PELI2: variants seen among roughly 807,000 people sequenced by gnomAD.
PELI2 encodes pellino E3 ubiquitin protein ligase family member 2, also known as E3 ubiquitin-protein ligase pellino homolog 2.
Under a neutral mutation model 42.3 loss-of-function variants are expected in PELI2, and 23 were observed. That is an observed-to-expected ratio of 0.54 (90% CI 0.39 to 0.77). The LOEUF (loss-of-function observed/expected upper bound fraction) is 0.77, where lower values mean the gene tolerates loss of function less well. PELI2 is among the 30% of genes least tolerant of loss of function. PELI2 has a pLI of 0.00. For missense variants in PELI2, 463 were observed against 553.2 expected (o/e 0.84, Z 1.64); for synonymous variants, 245 against 212.2 (o/e 1.15, Z -1.34).
At position 56,301,397 on chromosome 14, in the gene PELI2, T is replaced by C. The variant is rs1404049032; in HGVS notation, c.*4231T>C. Reference sequence around the variant, plus strand: ...GAGTAGAACTGATTTTTTTCACTTCTCTAACTTCCAAGTTAATCTCCAGCT... The same window carrying C: ...GAGTAGAACTGATTTTTTTCACTTCCCTAACTTCCAAGTTAATCTCCAGCT... On this transcript the variant is annotated 3_prime_UTR_variant, in exon 6 of 6. Transcript: ENST00000267460. 6.6e-6 allele frequency: 1 copy of C among 152,658 alleles called. No individual in the cohort carries two copies. Among genetic ancestry groups the C allele is most frequent in the Non-Finnish European group, 1.5e-5 (1 of 68,036 alleles). 9.5% of individuals were successfully genotyped at this position (152,658 alleles called of 1,614,324 possible).
intron 2 of PELI2, among the ~76,000 whole-genome samples, chr14:56,234,407 A>T (rs1307146744): frequency 1.3e-5 from 2 of 152,204 alleles, no homozygotes; most frequent in African/African-American, 2.4e-5. Context: ...TACACCATGG[A>T]ATACTATACA....
At chr14:56,177,195 A>T (rs1421967291) in intron 1 of PELI2, among the ~76,000 whole-genome samples, 1 of 152,242 alleles carries the variant, frequency 6.6e-6, no homozygotes, top group Non-Finnish European at 1.5e-5. Flanking sequence ...TGTGACGCTG[A>T]CTTGACTGGT....
At chr14:56,140,800 T>G (rs1280242943) in intron 1 of PELI2, among the ~76,000 whole-genome samples, 1 of 152,158 alleles carries the variant, frequency 6.6e-6, no homozygotes, top group East Asian at 1.9e-4. Context: ...GCCCACAGGA[T>G]CTAATGGGCA....
chr14:56,178,200 T>C (rs923325151), intron 1 of PELI2, 135 bp from the exon 2 acceptor site: 2 of 797,290 alleles, frequency 2.5e-6, no homozygotes, highest in African/African-American at 3.5e-5. Context: ...TTGCAACCCT[T>C]TCCTTTTGTG....
At chr14:56,121,492 A>G (rs1321417375) in intron 1 of PELI2, among the ~76,000 whole-genome samples, 1 of 152,212 alleles carries the variant, frequency 6.6e-6, no homozygotes, top group East Asian at 1.9e-4. Context: ...CAGCCAGTTA[A>G]TGTATCATAG....
chr14:56,195,852 A>G (rs1886111853), intron 2 of PELI2, among the ~76,000 whole-genome samples: 1 of 152,194 alleles, frequency 6.6e-6, no homozygotes, highest in South Asian at 2.1e-4. Context: ...GAGGCTGCAC[A>G]TGTGCGCAAG....
chr14:56,196,769 A>G (rs983724539), intron 2 of PELI2, among the ~76,000 whole-genome samples: 2 of 152,124 alleles, frequency 1.3e-5, no homozygotes, highest in Admixed American at 6.5e-5. Flanking sequence ...TTCCTTGCCT[A>G]TTTTTGAATT....
At chr14:56,274,816 G>A (rs1370017140) in intron 2 of PELI2, among the ~76,000 whole-genome samples, 1 of 152,212 alleles carries the variant, frequency 6.6e-6, no homozygotes, top group African/African-American at 2.4e-5. Flanking sequence ...GGGCATCTGG[G>A]ATTGCAAAGT....
intron 2 of PELI2, among the ~76,000 whole-genome samples, chr14:56,242,877 TA>T (rs1888024689): frequency 6.6e-6 from 1 of 152,084 alleles, no homozygotes; most frequent in Non-Finnish European, 1.5e-5. Flanking sequence ...GAGTGAAGGA[TA>T]AAAGACTACA....
At chr14:56,239,798 G>A (rs1372339481) in intron 2 of PELI2, among the ~76,000 whole-genome samples, 4 of 152,154 alleles carry the variant, frequency 2.6e-5, no homozygotes, top group African/African-American at 7.2e-5. Context: ...GAGCTCAGGG[G>A]GAGTCGTGGC....
rs1412767967 is a variant in PELI2 at position 56,178,347 on chromosome 14, T to A, written c.90T>A (p.Ala30=). ...GELVVLGYNG[A]LPNGDRGRRK... is the part of the protein sequence containing the mutation. ...TCTCTGTTTCTAGGTACAATGGTGCTTTACCCAATGGAGATAGAGGACGGA... is the reference window on the plus strand; with the variant it reads ...TCTCTGTTTCTAGGTACAATGGTGCATTACCCAATGGAGATAGAGGACGGA... The change falls in exon 2 of 6, where the codon GCT becomes GCA. Residue 30 remains alanine (A), a synonymous_variant. Transcript: ENST00000267460. 1 of 1,614,096 alleles carries A rather than the reference T, an allele frequency of 6.2e-7. No homozygotes were observed. Among genetic ancestry groups the A allele is most frequent in the Non-Finnish European group, 8.5e-7 (1 of 1,179,940 alleles).
intron 1 of PELI2, among the ~76,000 whole-genome samples, chr14:56,126,978 T>C (rs1883294301): frequency 6.6e-6 from 1 of 152,220 alleles, no homozygotes; most frequent in Non-Finnish European, 1.5e-5. Flanking sequence ...GTTTTTTGTC[T>C]CCTCGGGTTG....
chr14:56,161,066 A>C (rs929884620), intron 1 of PELI2, among the ~76,000 whole-genome samples: 24 of 152,226 alleles, frequency 1.6e-4, no homozygotes, highest in African/African-American at 5.8e-4. Flanking sequence ...TGTGTAAGAT[A>C]ATGGAAGATG....
chr14:56,238,286 G>C (rs1437492873), intron 2 of PELI2, among the ~76,000 whole-genome samples: 2 of 152,252 alleles, frequency 1.3e-5, no homozygotes, highest in Middle Eastern at 3.4e-3. Context: ...TTCATTTACT[G>C]TCTTTAGGGG....
chr14:56,188,967 C>G (rs1885865863), intron 2 of PELI2, among the ~76,000 whole-genome samples: 1 of 152,076 alleles, frequency 6.6e-6, no homozygotes, highest in South Asian at 2.1e-4. Flanking sequence ...CGAGACCAGC[C>G]TGACCAATAT....
chr14:56,145,151 G>C (rs143789856), intron 1 of PELI2, among the ~76,000 whole-genome samples: 119 of 152,266 alleles, frequency 7.8e-4, no homozygotes, highest in African/African-American at 2.6e-3. Context: ...GAAACTTTCA[G>C]TCATGGCAGA....
chr14:56,231,711 A>C (rs1305699308), intron 2 of PELI2, among the ~76,000 whole-genome samples: 1 of 152,148 alleles, frequency 6.6e-6, no homozygotes, highest in Non-Finnish European at 1.5e-5. Context: ...AGAGAAGCAA[A>C]AGCAAACACA....
chr14:56,151,116 A>G (rs1339141127), intron 1 of PELI2, among the ~76,000 whole-genome samples: 1 of 152,224 alleles, frequency 6.6e-6, no homozygotes, highest in Non-Finnish European at 1.5e-5. Context: ...GTGTTCTGAC[A>G]GTGTTGCCTG....
rs1007935136 is a variant in PELI2, at chr14:56,118,475, A to G, written c.-186A>G. 16 of 332,206 alleles carry G rather than the reference A, an allele frequency of 4.8e-5. No individual in the cohort carries two copies. Among genetic ancestry groups the G allele is most frequent in the East Asian group, 9.9e-5 (2 of 20,236 alleles). The allele number at this position is 332,206 out of a possible 1,614,324, so 20.6% of individuals were successfully genotyped here. On this transcript the variant is annotated 5_prime_UTR_variant, in exon 1 of 6. Coordinates refer to ENST00000267460, the MANE Select transcript of PELI2 (RefSeq NM_021255.3). ...CGCGGAGCTCCGGGGAGTCAGGCGG[A>G]GCAGCCGCGCAGCCACGACGGAGCA...
Sources: allele counts gnomAD v4.1 joint callset (sites outside exome capture counted in the v4.1 genomes callset), GRCh38; gene constraint gnomAD v4.1.1; transcripts MANE v1.5; gene names NCBI Gene and HGNC (gene_info 2026-07-23, HGNC 2026-07-21).